NBPF8: variants seen among roughly 807,000 people sequenced by gnomAD.
NBPF8 encodes the protein NBPF member 8, also known as NBPF family member NBPF8.
At chr1:120,433,825 A>G (rs1242176851), upstream of NBPF8, 1 of 180,432 alleles carries the variant, frequency 5.5e-6, no homozygotes, top group African/African-American at 2.4e-5. Context: ...TCCGTGGTCA[A>G]TTCCCCATCC....
intron 1 of NBPF8, among the ~76,000 whole-genome samples, chr1:120,425,205 G>C (rs1209389322): frequency 6.6e-6 from 1 of 151,964 alleles, no homozygotes; most frequent in Non-Finnish European, 1.5e-5. Context: ...AGTAAAAGAG[G>C]AAGGAAGGCC....
At chr1:120,456,538 G>T (rs1394527575) in intron 16 of NBPF8, among the ~76,000 whole-genome samples, 1 of 105,210 alleles carries the variant, frequency 9.5e-6, no homozygotes, top group Non-Finnish European at 1.9e-5. Context: ...TGTCTCTTTT[G>T]ATCTTTGTTG....
At chr1:120,425,576 A>G (rs3009745) in intron 1 of NBPF8, among the ~76,000 whole-genome samples, 13 of 152,226 alleles carry the variant, frequency 8.5e-5, no homozygotes, top group African/African-American at 3.1e-4. Context: ...GGCCAGTGCC[A>G]GCATGGGTCC....
intron 20 of NBPF8, among the ~76,000 whole-genome samples, 186 bp downstream of exon 18, chr1:120,462,383 C>T (rs1285535422): frequency 6.7e-6 from 1 of 149,310 alleles, no homozygotes; most frequent in Non-Finnish European, 1.5e-5. Flanking sequence ...TTATCATTTA[C>T]TAACTTACTA....
downstream of NBPF8, among the ~76,000 whole-genome samples, chr1:120,467,928 T>G (rs1398143451): frequency 1.3e-5 from 2 of 151,302 alleles, no homozygotes; most frequent in Non-Finnish European, 2.9e-5. Context: ...GTTCTAGTCA[T>G]TTGTATTCTT....
chr1:120,430,560 A>G (rs1293062874), intron 3 of NBPF8, among the ~76,000 whole-genome samples: 1 of 131,596 alleles, frequency 7.6e-6, no homozygotes, highest in African/African-American at 3.3e-5. Flanking sequence ...GGAGACCATC[A>G]TGCCTAACAC....
At chr1:120,450,538 A>G (rs1163468323) in intron 11 of NBPF8, among the ~76,000 whole-genome samples, 3 of 152,306 alleles carry the variant, frequency 2.0e-5, no homozygotes, top group African/African-American at 7.2e-5. Context: ...AGTCTCCTAG[A>G]ACATTTATTG....
rs1403081249 is a variant in NBPF8, at chr1:120,449,488, A to G, written n.1971+86A>G. 7 of 1,001,916 alleles carry G rather than the reference A, an allele frequency of 7.0e-6. No individual in the cohort carries two copies. The East Asian group carries it at 9.4e-5, about 13-fold the overall frequency. The allele number at this position is 1,001,916 out of a possible 1,614,324, so 62.1% of individuals were successfully genotyped here. A position where few individuals can be genotyped will look rare whatever the true frequency, so the allele number is the denominator to read the frequency against. On this transcript the variant is annotated intron_variant and non_coding_transcript_variant, in intron 11 of 24. Transcript: ENST00000583271. ...ACACTAAATGCTCTCTCCATCAAAA[A>G]TAATTTCATCCTTCCTGTACTTCTA...
At chr1:120,465,291 A>T in exon 24 of NBPF8, 2 of 687,596 alleles carry the variant, frequency 2.9e-6, no homozygotes, top group East Asian at 4.9e-5. Context: ...AGGGGAAGAT[A>T]AGAAGGGGAA....
upstream of NBPF8, among the ~76,000 whole-genome samples, chr1:120,416,001 A>C (rs1268482910): frequency 1.4e-4 from 22 of 152,144 alleles, no homozygotes; most frequent in African/African-American, 5.3e-4. Context: ...GCTGCTTTCA[A>C]AAAGAAGTCT....
downstream of NBPF8, among the ~76,000 whole-genome samples, chr1:120,468,115 A>G (rs1241934031): frequency 6.6e-6 from 1 of 151,110 alleles, no homozygotes; most frequent in Admixed American, 6.6e-5. Context: ...AACTTTCAGC[A>G]TCAAATATTT....
intron 3 of NBPF8, among the ~76,000 whole-genome samples, chr1:120,428,576 G>A (rs1660786024): frequency 1.3e-5 from 2 of 152,238 alleles, no homozygotes; most frequent in African/African-American, 4.8e-5. Flanking sequence ...TTGAAAAGGT[G>A]AAGAAGCATC....
chr1:120,464,541 C>G (rs1435990050), exon 23 of NBPF8: 2 of 798,226 alleles, frequency 2.5e-6, no homozygotes, highest in Admixed American at 3.4e-5. Flanking sequence ...TTTCTCTTGA[C>G]GTGGGAGGTG....
chr1:120,462,298 G>T, intron 20 of NBPF8, 101 bp downstream of exon 18: 2 of 669,726 alleles, frequency 3.0e-6, no homozygotes, highest in Non-Finnish European at 2.7e-6. Context: ...TTTCAACGAA[G>T]GTTGAAATAC....
chr1:120,466,601 C>T (rs1216434349), exon 25 of NBPF8: 1 of 237,104 alleles, frequency 4.2e-6, no homozygotes, highest in Admixed American at 5.7e-5. Flanking sequence ...AAGGTGTTAC[C>T]CTGGTTTCAA....
upstream of NBPF8, among the ~76,000 whole-genome samples, chr1:120,434,279 T>C (rs1661002302): frequency 2.1e-5 from 1 of 47,672 alleles, no homozygotes; most frequent in South Asian, 4.1e-4. Context: ...ATATTATGTA[T>C]ATACACGTAT....
At chr1:120,467,938 T>C (rs2101707107), downstream of NBPF8, among the ~76,000 whole-genome samples, 1 of 149,514 alleles carries the variant, frequency 6.7e-6, no homozygotes, top group East Asian at 2.3e-4. Flanking sequence ...TTTGTATTCT[T>C]CGTGAGTGTG....
chr1:120,435,571 C>T (rs1274649439), upstream of NBPF8, among the ~76,000 whole-genome samples: 3 of 139,756 alleles, frequency 2.1e-5, no homozygotes, highest in East Asian at 2.0e-4. Context: ...CGGCCGGGCG[C>T]GGTGGCTCAC....
At chr1:120,460,744 C>T in intron 18 of NBPF8, 120 bp downstream of exon 16, 1 of 981,620 alleles carries the variant, frequency 1.0e-6, no homozygotes, top group Non-Finnish European at 1.6e-6. Flanking sequence ...CTGAATTACG[C>T]CTACTACATT....
Sources: allele counts gnomAD v4.1 joint callset (sites outside exome capture counted in the v4.1 genomes callset), GRCh38; gene constraint gnomAD v4.1.1; transcripts MANE v1.5; gene names NCBI Gene and HGNC (gene_info 2026-07-23, HGNC 2026-07-21).